Variants in PLCB4 observed in about 807,000 individuals in gnomAD.
PLCB4 encodes the protein 1-phosphatidylinositol 4,5-bisphosphate phosphodiesterase beta-4.
PLCB4 carries 77 observed loss-of-function variants against 178.8 expected under a neutral mutation model. The ratio of observed to expected loss-of-function variants is 0.43; its 90% CI spans 0.36 to 0.52. PLCB4 has a LOEUF of 0.52. PLCB4 is among the 20% of genes least tolerant of loss of function. The pLI, the probability that PLCB4 is intolerant of heterozygous loss-of-function variation, is 0.00. For synonymous variants in PLCB4, 496 were observed against 490.8 expected (o/e 1.01, Z -0.14); for missense variants, 1,024 against 1,453.4 (o/e 0.70, Z 4.80).
intron 30 of PLCB4, among the ~76,000 whole-genome samples, chr20:9,439,857 G>T (rs563642233): frequency 1.9e-4 from 29 of 152,194 alleles, no homozygotes; most frequent in Non-Finnish European, 3.4e-4. Flanking sequence ...GTAACAGTTG[G>T]CTATTGATGT....
intron 3 of PLCB4, among the ~76,000 whole-genome samples, chr20:9,226,464 T>C (rs756816736): frequency 1.3e-5 from 2 of 152,216 alleles, no homozygotes; most frequent in Admixed American, 6.5e-5. Context: ...CCTGGCTGGA[T>C]ACATCACAGT....
chr20:9,270,639 C>G (rs1204558194), intron 3 of PLCB4, among the ~76,000 whole-genome samples: 1 of 151,982 alleles, frequency 6.6e-6, no homozygotes, highest in Non-Finnish European at 1.5e-5. Context: ...ATTATGAACC[C>G]TACTTGCAAC....
At chr20:9,209,549 A>C (rs2093650132) in intron 2 of PLCB4, among the ~76,000 whole-genome samples, 1 of 152,160 alleles carries the variant, frequency 6.6e-6, no homozygotes, top group Non-Finnish European at 1.5e-5. Flanking sequence ...TTCAGAGAGA[A>C]AGATTCCATC....
chr20:9,257,790 C>A (rs1021587340), intron 3 of PLCB4, among the ~76,000 whole-genome samples: 3 of 152,020 alleles, frequency 2.0e-5, no homozygotes, highest in African/African-American at 4.8e-5. Context: ...TTAACATGAA[C>A]AAATTTACCA....
At chr20:9,218,793 G>T (rs766107071) in intron 3 of PLCB4, among the ~76,000 whole-genome samples, 14 of 152,116 alleles carry the variant, frequency 9.2e-5, no homozygotes, top group Admixed American at 6.6e-4. Context: ...AGTCAAGTGC[G>T]CTATCTTTTA....
At chr20:9,385,506 T>G (rs1020221085) in intron 14 of PLCB4, among the ~76,000 whole-genome samples, 6 of 103,688 alleles carry the variant, frequency 5.8e-5, no homozygotes, top group African/African-American at 7.6e-5. Context: ...TTCCCAGTCG[T>G]GGCGGCTGGG....
intron 2 of PLCB4, among the ~76,000 whole-genome samples, chr20:9,214,586 C>CGT (rs1162578257): frequency 6.6e-6 from 1 of 151,890 alleles, no homozygotes; most frequent in Admixed American, 6.6e-5. Context: ...CACACACACA[C>CGT]ACACACAGCC....
At position 9,115,396 on chromosome 20, in the gene PLCB4, A is replaced by G. The variant is rs116373298; in HGVS notation, c.-79+19054A>G. Among the ~76,000 whole-genome samples the G allele has an allele frequency of 7.5e-3, 1,131 of 151,720 alleles. 18 individuals carry two copies. Among genetic ancestry groups the G allele is most frequent in the African/African-American group, 0.026 (1,077 of 41,360 alleles). ...TTAATAATAAAAATACCTCTACACTATAGTGCTTTATGAATAGATTTTTAA... is the reference window on the plus strand; with the variant it reads ...TTAATAATAAAAATACCTCTACACTGTAGTGCTTTATGAATAGATTTTTAA... On this transcript the variant is annotated intron_variant, in intron 2 of 39. Transcript: ENST00000378473.
chr20:9,297,804 G>A (rs16995731), intron 3 of PLCB4, among the ~76,000 whole-genome samples: 27,856 of 152,084 alleles, frequency 0.18, 2,880 homozygotes, highest in South Asian at 0.25. Flanking sequence ...AGAGGATTTT[G>A]GAGGGCTGGC....
intron 25 of PLCB4, among the ~76,000 whole-genome samples, chr20:9,418,374 T>C (rs766622840): frequency 2.6e-5 from 4 of 152,166 alleles, no homozygotes; most frequent in Non-Finnish European, 5.9e-5. Context: ...ATCTATTTAT[T>C]TGCATGGAAC....
chr20:9,389,509 C>G (rs142884843), intron 15 of PLCB4, among the ~76,000 whole-genome samples: 13 of 152,088 alleles, frequency 8.5e-5, no homozygotes, highest in Non-Finnish European at 1.8e-4. Flanking sequence ...ATACAGTGGT[C>G]GGGAGTGAAA....
chr20:9,316,697 T>G (rs899400638), intron 4 of PLCB4, among the ~76,000 whole-genome samples: 5 of 152,206 alleles, frequency 3.3e-5, no homozygotes, highest in African/African-American at 1.2e-4. Context: ...TTCTTCCTGA[T>G]GTGAGAAGAA....
At chr20:9,413,753 C>G (rs1172433768) in intron 25 of PLCB4, among the ~76,000 whole-genome samples, 1 of 151,648 alleles carries the variant, frequency 6.6e-6, no homozygotes, top group Non-Finnish European at 1.5e-5. Context: ...GTGTCTCACT[C>G]TCTCCACCGT....
At chr20:9,221,938 A>G (rs2093803654) in intron 3 of PLCB4, among the ~76,000 whole-genome samples, 1 of 151,910 alleles carries the variant, frequency 6.6e-6, no homozygotes, top group South Asian at 2.1e-4. Flanking sequence ...TTATTTCCTA[A>G]TAGTTCACCT....
intron 3 of PLCB4, among the ~76,000 whole-genome samples, chr20:9,222,802 T>C (rs773882201): frequency 1.3e-5 from 2 of 152,154 alleles, no homozygotes; most frequent in African/African-American, 2.4e-5. Context: ...TAGAATATTA[T>C]AGAGAAACTC....
intron 3 of PLCB4, among the ~76,000 whole-genome samples, chr20:9,255,581 C>A (rs2094225875): frequency 6.6e-6 from 1 of 150,904 alleles, no homozygotes; most frequent in African/African-American, 2.4e-5. Flanking sequence ...ATGCCCAAAC[C>A]AACAGATGGT....
intron 2 of PLCB4, among the ~76,000 whole-genome samples, chr20:9,158,767 C>T (rs1291658657): frequency 1.3e-5 from 2 of 152,118 alleles, no homozygotes; most frequent in Non-Finnish European, 2.9e-5. Context: ...AGAGGACGTC[C>T]TTTCTTTATT....
intron 4 of PLCB4, among the ~76,000 whole-genome samples, chr20:9,325,162 C>A (rs893230737): frequency 6.6e-6 from 1 of 152,096 alleles, no homozygotes; most frequent in Admixed American, 6.6e-5. Flanking sequence ...GCGGTGTTTC[C>A]GGTGCAACTA....
At chr20:9,195,501 C>A (rs1244009085) in intron 2 of PLCB4, among the ~76,000 whole-genome samples, 1 of 152,204 alleles carries the variant, frequency 6.6e-6, no homozygotes, top group Non-Finnish European at 1.5e-5. Context: ...AGGTGGGTAT[C>A]ATCAGCAGTT....
Sources: allele counts gnomAD v4.1 joint callset (sites outside exome capture counted in the v4.1 genomes callset), GRCh38; gene constraint gnomAD v4.1.1; transcripts MANE v1.5; gene names NCBI Gene and HGNC (gene_info 2026-07-23, HGNC 2026-07-21).